The following BAZ2A variants were observed in gnomAD, a reference collection of about 807,000 sequenced individuals.
BAZ2A encodes bromodomain adjacent to zinc finger domain protein 2A.
Under a neutral mutation model 199.9 loss-of-function variants are expected in BAZ2A, and 34 were observed. The observed-to-expected ratio is 0.17, with a 90% CI of 0.13 to 0.23. The LOEUF is 0.23. BAZ2A is among the 10% of genes least tolerant of loss of function. The pLI is 1.00. For missense variants in BAZ2A, 2,002 were observed against 2,391.1 expected, an observed-to-expected ratio of 0.84 and a Z score of 3.39; for synonymous variants, 857 against 883.9, an observed-to-expected ratio of 0.97 and a Z score of 0.54.
rs1951431540 is a variant in BAZ2A, at chr12:56,635,625, C to T, written c.4+557G>A. 6.6e-6 allele frequency among the ~76,000 whole-genome samples: 1 copy of T among 152,154 alleles called. No homozygotes were observed. Among genetic ancestry groups the T allele is most frequent in the African/African-American group, 2.4e-5 (1 of 41,438 alleles). The stretch of plus-strand genomic sequence containing the variant: ...CAGCCCTGGTGAGGCTGATGTGGGA[C>T]CATGAGAATCGACTTTGGTTCAGTT... On this transcript the variant is annotated intron_variant, in intron 1 of 29. Transcript: ENST00000379441. This position sits in a 1 kb window ranked among gnomAD's most constrained non-coding sequence, Gnocchi z 4.1.
rs748393896 is a variant in BAZ2A at position 56,601,913 on chromosome 12, A to AGCTGAG, written c.3698_3703dup (p.Pro1233_Gln1234dup). 54 of 1,602,452 alleles carry AGCTGAG rather than the reference A, an allele frequency of 3.4e-5. No individual in the cohort carries two copies. The African/African-American group carries it at 6.3e-4, about 19-fold the overall frequency. ...CTTATGGGACTGAAGCTGAAGCTGA[A>AGCTGAG]GCTGAGGCTGGGGCTGGGCAGGAGC... is the stretch of plus-strand genomic sequence containing the variant. On this transcript the variant is annotated inframe_insertion, in exon 20 of 29. Transcript: ENST00000549884.
chr12:56,610,723 A>G (rs1276831595), intron 7 of BAZ2A, among the ~76,000 whole-genome samples: 1 of 152,182 alleles, frequency 6.6e-6, no homozygotes, highest in Non-Finnish European at 1.5e-5. Context: ...TTAGGAGAAA[A>G]GCACTACACC....
chr12:56,632,013 C>A (rs1434217830), upstream of BAZ2A, among the ~76,000 whole-genome samples: 1 of 152,094 alleles, frequency 6.6e-6, no homozygotes, highest in Non-Finnish European at 1.5e-5. Flanking sequence ...GTTTCTCTTC[C>A]TCTCTCGAGA....
intron 15 of BAZ2A, 123 bp from the exon 16 acceptor site, chr12:56,604,414 G>A: frequency 7.6e-7 from 1 of 1,313,098 alleles, no homozygotes; most frequent in Non-Finnish European, 1.1e-6. Flanking sequence ...GTGAATGGCA[G>A]AAGGCTTAGG....
At chr12:56,636,796 G>C (rs117438401), upstream of BAZ2A, 67 of 153,120 alleles carry the variant, frequency 4.4e-4, no homozygotes, top group Non-Finnish European at 8.0e-4. Context: ...CCAAATCCCA[G>C]CTTTTCTGGG....
rs1387085564 is a variant in BAZ2A, at chr12:56,602,038, A to G, written c.3579T>C (p.Thr1193=). The change falls in exon 20 of 29, where the codon ACT becomes ACC. Residue 1193 remains threonine (T), a synonymous_variant. Coordinates refer to ENST00000549884, the MANE Select transcript of BAZ2A (RefSeq NM_001300905.2). ...PARARGRPRK[T]KPGSMQPRHL... ...GCCTAGGTTGCATAGACCCGGGCTT[A>G]GTTTTTCGAGGTCGGCCTCGGGCCC... The G allele has an allele frequency of 1.3e-6, 2 of 1,555,188 alleles. No homozygotes were observed.
At chr12:56,602,907 A>G (rs892864774) in intron 18 of BAZ2A, 50 bp from the exon 19 acceptor site, 3 of 1,557,304 alleles carry the variant, frequency 1.9e-6, no homozygotes, top group Admixed American at 1.9e-5. Flanking sequence ...CCAGAGTGAC[A>G]GTGGTGAATT....
intron 1 of BAZ2A, among the ~76,000 whole-genome samples, chr12:56,628,010 C>T (rs1354576393): frequency 1.3e-5 from 2 of 150,674 alleles, no homozygotes; most frequent in African/African-American, 2.4e-5. Context: ...GATGAAACGC[C>T]GTCTCTACTA....
intron 8 of BAZ2A, 75 bp from the exon 9 acceptor site, chr12:56,610,290 A>C: frequency 6.3e-7 from 1 of 1,586,400 alleles, no homozygotes; most frequent in South Asian, 1.1e-5. Context: ...GCATAAGCAG[A>C]ACAGGCCCAG....
Position 56,601,534 on chromosome 12 carries a change from C to T in BAZ2A, c.4071+12G>A. 6.2e-7 allele frequency: 1 copy of T among 1,610,722 alleles called. No individual in the cohort carries two copies. Among genetic ancestry groups the T allele is most frequent in the South Asian group, 1.1e-5 (1 of 90,974 alleles). The stretch of plus-strand genomic sequence containing the variant: ...TGAAATCAAGTGCATACTACTAATT[C>T]TGGCTACTTACTGGCTTGGAGGAGG... On this transcript the variant is annotated intron_variant, in intron 20 of 28. Coordinates refer to ENST00000549884, the MANE Select transcript of BAZ2A (RefSeq NM_001300905.2).
At chr12:56,627,200 T>G (rs1265016382) in intron 1 of BAZ2A, among the ~76,000 whole-genome samples, 2 of 152,234 alleles carry the variant, frequency 1.3e-5, no homozygotes, top group African/African-American at 4.8e-5. Context: ...AATGTTATCT[T>G]TCAAGGCTTG....
Position 56,614,083 on chromosome 12 carries a change from T to G in BAZ2A, c.786A>C (p.Gln262His). 1 of 1,614,032 alleles carries G rather than the reference T, an allele frequency of 6.2e-7. No individual in the cohort carries two copies. The change falls in exon 4 of 29, where the codon CAA becomes CAC. Residue 262 changes from glutamine to histidine, a missense_variant. This residue lies in a region of BAZ2A where 641 missense variants were observed against 694.5 expected (regional missense o/e 0.92). Transcript: ENST00000549884. ...GSVPSVESLH[Q>H]EVSVLVPDPT... ...GGTCAGGGACCAGGACTGAGACCTC[T>G]TGGTGTAACGATTCCACAGAAGGGA...
In BAZ2A at chr12:56,597,562, G is replaced by GCGCACACACACACACACACACACACA. The variant is rs1555204160; in HGVS notation, c.*1055_*1056insTGTGTGTGTGTGTGTGTGTGTGTGCG. The GCGCACACACACACACACACACACACA allele has an allele frequency of 7.2e-6, 1 of 138,616 alleles. No homozygotes were observed. Among genetic ancestry groups the GCGCACACACACACACACACACACACA allele is most frequent in the African/African-American group, 3.0e-5 (1 of 33,540 alleles). 8.6% of individuals were successfully genotyped at this position (138,616 alleles called of 1,614,324 possible). A position where few individuals can be genotyped will look rare whatever the true frequency, so the allele number is the denominator to read the frequency against. On this transcript the variant is annotated 3_prime_UTR_variant, in exon 29 of 29. Coordinates refer to ENST00000549884, the MANE Select transcript of BAZ2A (RefSeq NM_001300905.2). ...TCAAACAATACAGGGTCACAAGCACGCACACACACACACACACACAGCGCG... is the reference window on the plus strand; with the variant it reads ...TCAAACAATACAGGGTCACAAGCACGCGCACACACACACACACACACACACACACACACACACACACACACAGCGCG...
rs774202168 is a variant in BAZ2A at position 56,614,173 on chromosome 12, C to T, written c.731-35G>A. The T allele has an allele frequency of 2.5e-6, 4 of 1,596,080 alleles. No homozygotes were observed. The South Asian group carries it at 4.4e-5, about 18-fold the overall frequency. Reference sequence around the variant, plus strand: ...CACAGGAGAGACCAAAAGTCAAAATCAGTGCCTTATATTGGTTCACTTAGC... The same window carrying T: ...CACAGGAGAGACCAAAAGTCAAAATTAGTGCCTTATATTGGTTCACTTAGC... On this transcript the variant is annotated intron_variant, in intron 3 of 28. Transcript: ENST00000549884.
chr12:56,619,427 T>C (rs1005267431), intron 1 of BAZ2A, among the ~76,000 whole-genome samples: 4 of 149,244 alleles, frequency 2.7e-5, no homozygotes, highest in Admixed American at 6.7e-5. Context: ...AAGGATCACT[T>C]GAGCCCAGGA....
rs1886573149 is a variant in BAZ2A, at chr12:56,602,300, C to T, written c.3425-108G>A. 3.0e-6 allele frequency: 3 copies of T among 1,015,740 alleles called. No individual in the cohort carries two copies. The African/African-American group carries it at 4.9e-5, about 17-fold the overall frequency. The allele number at this position is 1,015,740 out of a possible 1,614,324, so 62.9% of individuals were successfully genotyped here. The stretch of plus-strand genomic sequence containing the variant: ...TTCTTTTTCTCTTGGACTTAGTCCC[C>T]CTTTTTTGAGATTCCACTGGGAAGA... On this transcript the variant is annotated intron_variant, in intron 19 of 28. Transcript: ENST00000549884.
At chr12:56,629,652 A>G (rs938496820) in intron 1 of BAZ2A, among the ~76,000 whole-genome samples, 1 of 151,756 alleles carries the variant, frequency 6.6e-6, no homozygotes. Context: ...ACCCCTGGAA[A>G]CCCCTTCCGC....
intron 1 of BAZ2A, among the ~76,000 whole-genome samples, chr12:56,628,627 A>C (rs990531418): frequency 6.6e-6 from 1 of 152,134 alleles, no homozygotes; most frequent in South Asian, 2.1e-4. Context: ...TCAGTCTGTT[A>C]ATCAGTCCCT....
intron 15 of BAZ2A, 121 bp from the exon 16 acceptor site, chr12:56,604,412 C>G: frequency 7.6e-7 from 1 of 1,322,138 alleles, no homozygotes; most frequent in Non-Finnish European, 1.0e-6. Flanking sequence ...GGGTGAATGG[C>G]AGAAGGCTTA....
Sources: gnomAD v4.1 joint callset for allele counts (sites outside exome capture counted in the v4.1 genomes callset) on GRCh38, gnomAD v4.1.1 for gene constraint, gnomAD v4.1.1 regional missense constraint, Gnocchi (gnomAD v3.1) non-coding constraint, MANE v1.5 for transcripts, NCBI Gene and HGNC (gene_info 2026-07-23, HGNC 2026-07-21) for gene names.